The following SUPV3L1 variants were observed in gnomAD, a reference collection of about 807,000 sequenced individuals.
SUPV3L1 encodes the protein Suv3 like RNA helicase.
Under a neutral mutation model 70.0 loss-of-function variants are expected in SUPV3L1, and 35 were observed. The observed-to-expected ratio is 0.50, with a 90% CI of 0.38 to 0.66. The LOEUF is 0.66. Ranked by LOEUF, SUPV3L1 falls within the 30% of genes least tolerant of loss-of-function variation. SUPV3L1 has a pLI of 0.00. For synonymous variants in SUPV3L1, 364 were observed against 341.9 expected, an observed-to-expected ratio of 1.06 and a Z score of -0.71; for missense variants, 777 against 961.5, an observed-to-expected ratio of 0.81 and a Z score of 2.54.
At chr10:69,185,911 G>C (rs1342579632) in intron 1 of SUPV3L1, 76 bp from the exon 2 acceptor site, 1 of 1,096,490 alleles carries the variant, frequency 9.1e-7, no homozygotes, top group African/African-American at 1.6e-5. Flanking sequence ...TAGTGTTATT[G>C]CTTCAAGTTT....
intron 7 of SUPV3L1, 106 bp downstream of exon 7, chr10:69,195,371 CTTTT>C: frequency 1.5e-6 from 1 of 650,286 alleles, no homozygotes; most frequent in East Asian, 3.3e-5. Flanking sequence ...TAGAACCTTT[CTTTT>C]TGACACAAAA....
At chr10:69,201,873 G>A (rs1006694712) in intron 11 of SUPV3L1, among the ~76,000 whole-genome samples, 5 of 128,232 alleles carry the variant, frequency 3.9e-5, no homozygotes, top group African/African-American at 1.5e-4. Context: ...ACGGAGTCTT[G>A]CTCTGTCGCC....
intron 11 of SUPV3L1, among the ~76,000 whole-genome samples, chr10:69,201,223 T>C (rs1358936689): frequency 1.3e-5 from 2 of 152,146 alleles, no homozygotes; most frequent in Non-Finnish European, 2.9e-5. Context: ...GCACCTCATG[T>C]CTTGGACTCT....
chr10:69,181,503 T>C (rs576925437), intron 1 of SUPV3L1, among the ~76,000 whole-genome samples: 1 of 152,364 alleles, frequency 6.6e-6, no homozygotes, highest in Admixed American at 6.5e-5. Flanking sequence ...TGACATATTC[T>C]TCCAGTGTTA....
At chr10:69,181,425 G>A (rs764186475) in intron 1 of SUPV3L1, among the ~76,000 whole-genome samples, 2 of 152,176 alleles carry the variant, frequency 1.3e-5, no homozygotes, top group Non-Finnish European at 2.9e-5. Context: ...ACTACAATAT[G>A]TTTTTCAGAG....
intron 6 of SUPV3L1, among the ~76,000 whole-genome samples, chr10:69,193,963 G>T (rs1174954030): frequency 1.3e-5 from 2 of 152,146 alleles, no homozygotes; most frequent in Non-Finnish European, 1.5e-5. Flanking sequence ...CATGACTGAG[G>T]CCCAAGGAAT....
chr10:69,198,491 G>C lies in SUPV3L1; in HGVS notation c.1143G>C (p.Val381=). The C allele has an allele frequency of 6.2e-7, 1 of 1,614,062 alleles. No individual in the cohort carries two copies. The highest frequency in any genetic ancestry group is 2.2e-5 in the East Asian group (1 of 44,868). Residue 381 remains valine (V), a synonymous_variant, in exon 9 of 15, where the codon GTG becomes GTC. Transcript: ENST00000359655. ...TTAGCAAGAATGATATTTATTCTGT[G>C]AGTCGGCAGATTGAAATTCGGGGAT... ...VCFSKNDIYS[V]SRQIEIRGLE... is the part of the protein sequence containing the mutation.
chr10:69,182,849 A>G (rs1181410265), intron 1 of SUPV3L1, among the ~76,000 whole-genome samples: 1 of 152,100 alleles, frequency 6.6e-6, no homozygotes, highest in Admixed American at 6.6e-5. Flanking sequence ...TCTTTTGCCT[A>G]CTCATAACCC....
Position 69,189,449 on chromosome 10 carries a change from C to A in SUPV3L1, c.741+14C>A. On this transcript the variant is annotated intron_variant, in intron 5 of 14. Transcript: ENST00000359655. ...AGTAATGCTGCTGTCAGTATATTACCAAATATTTGCTCATTTTTTTCTTAA... is the reference window on the plus strand; with the variant it reads ...AGTAATGCTGCTGTCAGTATATTACAAAATATTTGCTCATTTTTTTCTTAA... 6.4e-7 allele frequency: 1 copy of A among 1,551,134 alleles called. No homozygotes were observed. Among genetic ancestry groups the A allele is most frequent in the South Asian group, 1.2e-5 (1 of 81,556 alleles).
intron 1 of SUPV3L1, among the ~76,000 whole-genome samples, chr10:69,184,389 A>G (rs1842156309): frequency 6.6e-6 from 1 of 151,918 alleles, no homozygotes; most frequent in Admixed American, 6.6e-5. Flanking sequence ...TTAGTCGGGC[A>G]TGGTGCATGG....
At chr10:69,189,646 C>CTTTTTTTTTTT (rs34718589) in intron 5 of SUPV3L1, among the ~76,000 whole-genome samples, 1 of 125,056 alleles carries the variant, frequency 8.0e-6, no homozygotes, top group Non-Finnish European at 1.6e-5. Context: ...GCTATCAATT[C>CTTTTTTTTTTT]TTTTTTTTTT....
chr10:69,188,589 C>T (rs747319138), intron 4 of SUPV3L1, among the ~76,000 whole-genome samples: 56 of 152,280 alleles, frequency 3.7e-4, no homozygotes, highest in Non-Finnish European at 6.5e-4. Flanking sequence ...ACCTGCACCT[C>T]ACAGGTTCAA....
chr10:69,198,875 A>G (rs1842611364), intron 9 of SUPV3L1, among the ~76,000 whole-genome samples: 1 of 152,184 alleles, frequency 6.6e-6, no homozygotes, highest in Admixed American at 6.6e-5. Context: ...TGTCCTCAGG[A>G]ATAAGGCTAG....
At chr10:69,208,209 T>C (rs918757261) in intron 14 of SUPV3L1, among the ~76,000 whole-genome samples, 2 of 152,236 alleles carry the variant, frequency 1.3e-5, no homozygotes, top group South Asian at 4.1e-4. Context: ...ACCAAAAGCA[T>C]TGGTATCACC....
At chr10:69,200,972 A>G (rs951816920) in intron 11 of SUPV3L1, among the ~76,000 whole-genome samples, 9 of 152,228 alleles carry the variant, frequency 5.9e-5, no homozygotes, top group Non-Finnish European at 1.3e-4. Context: ...AGAATTGTAC[A>G]TATTTGAAAC....
chr10:69,202,335 A>C, intron 11 of SUPV3L1, 104 bp from the exon 12 acceptor site: 4 of 828,974 alleles, frequency 4.8e-6, no homozygotes, highest in Non-Finnish European at 7.5e-6. Context: ...TCATATGGTG[A>C]GAGCTTAGCC....
At chr10:69,189,122 T>G in intron 4 of SUPV3L1, 145 bp from the exon 5 acceptor site, 1 of 807,526 alleles carries the variant, frequency 1.2e-6, no homozygotes. Flanking sequence ...TTAATGTGGA[T>G]ATGAAACCCA....
chr10:69,201,859 T>A (rs1204244960), intron 11 of SUPV3L1, among the ~76,000 whole-genome samples: 2 of 147,064 alleles, frequency 1.4e-5, no homozygotes, highest in African/African-American at 5.0e-5. Flanking sequence ...TTTTTTTTTT[T>A]TAGACGGAGT....
chr10:69,206,225 A>G (rs1054068087), intron 13 of SUPV3L1, among the ~76,000 whole-genome samples: 15 of 152,194 alleles, frequency 9.9e-5, no homozygotes, highest in African/African-American at 3.4e-4. Context: ...CTTTATGGCT[A>G]TCCTACTTGG....
Sources: allele counts gnomAD v4.1 joint callset (sites outside exome capture counted in the v4.1 genomes callset), GRCh38; gene constraint gnomAD v4.1.1; transcripts MANE v1.5; gene names NCBI Gene and HGNC (gene_info 2026-07-23, HGNC 2026-07-21).